Variants in GJA3 observed in about 807,000 individuals in gnomAD.
GJA3 encodes the protein gap junction alpha-3 protein.
For missense variants in GJA3, 571 were observed against 620.3 expected (o/e 0.92, Z 0.84); for synonymous variants, 297 against 292.6 (o/e 1.02, Z -0.15).
chr13:20,142,000 G>T lies in GJA3; in HGVS notation c.1289C>A (p.Pro430Gln), dbSNP rs1378991103. The change falls in exon 2 of 2, where the codon CCG (proline) becomes CAG (glutamine). Residue 430 changes from proline (P) to glutamine (Q), a missense_variant. By Grantham distance (76) the Pro-to-Gln change is moderately conservative. Transcript: ENST00000241125. ...CGGGCACTAGATGGCCAAGTCCTCC[G>T]GTCTGGCCCGCCCGCTGCTGGCCCT... ...ASRASSGRAR[P>Q]EDLAI The T allele has an allele frequency of 6.5e-7, 1 of 1,550,338 alleles. No homozygotes were observed.
intron 1 of GJA3, among the ~76,000 whole-genome samples, chr13:20,158,931 A>AAAAAAAAAAAAAAG (rs1555340275): frequency 6.7e-6 from 1 of 148,838 alleles, no homozygotes; most frequent in African/African-American, 2.5e-5. Context: ...AAAAAAAAAA[A>AAAAAAAAAAAAAAG]AAAAAGAAAA....
At position 20,143,321 on chromosome 13, in the gene GJA3, G is replaced by A; in HGVS notation, c.-17-16C>T. ...GATTCCTAACCTGTAAGAGGAAAAT[G>A]CTCATGAACACCGGGCTGCAACGGC... On this transcript the variant is annotated splice_polypyrimidine_tract_variant and intron_variant, in intron 1 of 1. Transcript: ENST00000241125. The A allele has an allele frequency of 6.7e-7, 1 of 1,491,800 alleles. No individual in the cohort carries two copies. The highest frequency in any genetic ancestry group is 8.9e-7 in the Non-Finnish European group (1 of 1,123,098). The allele number at this position is 1,491,800 out of a possible 1,614,324, so 92.4% of individuals were successfully genotyped here.
intron 1 of GJA3, among the ~76,000 whole-genome samples, chr13:20,151,101 G>A (rs1307821225): frequency 6.6e-6 from 1 of 151,428 alleles, no homozygotes; most frequent in African/African-American, 2.4e-5. Context: ...GAGGAAGGAG[G>A]GTGTTGGAGG....
At chr13:20,158,592 T>A (rs1056041344) in intron 1 of GJA3, among the ~76,000 whole-genome samples, 11 of 151,712 alleles carry the variant, frequency 7.3e-5, no homozygotes, top group Non-Finnish European at 1.3e-4. Context: ...AACCATTACT[T>A]TTGGAGATGT....
rs115489529 is a variant in GJA3, at chr13:20,143,482, G to A, written c.-17-177C>T. Among the ~76,000 whole-genome samples the A allele has an allele frequency of 3.2e-3, 490 of 152,336 alleles. 5 individuals are homozygous for A. Among genetic ancestry groups the A allele is most frequent in the African/African-American group, 0.011 (459 of 41,578 alleles). ...ACGAGCAGGCACTACACAAGTGCAA[G>A]CGTCCATGAGGAACCACAGGTTAAA... On this transcript the variant is annotated intron_variant, in intron 1 of 1. Coordinates refer to ENST00000241125, the MANE Select transcript of GJA3 (RefSeq NM_021954.4).
Position 20,141,756 on chromosome 13 carries a change from C to T in GJA3, c.*225G>A. Reference sequence around the variant, plus strand: ...CCACAACCCTTGTCCCCGCCACCCCCAAACTCAGAAAGTGGGAGTTATCCC... The same window carrying T: ...CCACAACCCTTGTCCCCGCCACCCCTAAACTCAGAAAGTGGGAGTTATCCC... On this transcript the variant is annotated 3_prime_UTR_variant, in exon 2 of 2. Coordinates refer to ENST00000241125, the MANE Select transcript of GJA3 (RefSeq NM_021954.4). The T allele has an allele frequency of 4.7e-6, 3 of 644,022 alleles. No homozygotes were observed. In the South Asian group the frequency reaches 7.3e-5, roughly 16 times the overall value. 39.9% of individuals were successfully genotyped at this position (644,022 alleles called of 1,614,324 possible). A position where few individuals can be genotyped will look rare whatever the true frequency, so the allele number is the denominator to read the frequency against.
chr13:20,160,883 G>A lies in GJA3; in HGVS notation c.-18+7C>T. 6.7e-6 allele frequency: 1 copy of A among 149,960 alleles called. No individual in the cohort carries two copies. Among genetic ancestry groups the A allele is most frequent in the South Asian group, 2.1e-4 (1 of 4,732 alleles). 9.3% of individuals were successfully genotyped at this position (149,960 alleles called of 1,614,324 possible). A position where few individuals can be genotyped will look rare whatever the true frequency, so the allele number is the denominator to read the frequency against. ...GCCTGGCCTCCGGGGCGCCCGGCCC[G>A]CCTTACCCCGCTCTGCCGCGGCGGC... is the stretch of plus-strand genomic sequence containing the variant. On this transcript the variant is annotated splice_region_variant and intron_variant, in intron 1 of 1. Transcript: ENST00000241125.
At chr13:20,155,914 C>A (rs1294754872) in intron 1 of GJA3, among the ~76,000 whole-genome samples, 2 of 151,982 alleles carry the variant, frequency 1.3e-5, no homozygotes, top group African/African-American at 4.8e-5. Flanking sequence ...GGGTTCTATT[C>A]TTGATGTTTC....
At chr13:20,155,453 C>A (rs1370732248) in intron 1 of GJA3, among the ~76,000 whole-genome samples, 15 of 152,010 alleles carry the variant, frequency 9.9e-5, no homozygotes, top group Non-Finnish European at 4.4e-5. Flanking sequence ...TTTACTAAGT[C>A]AAATTTGGTC....
intron 1 of GJA3, among the ~76,000 whole-genome samples, chr13:20,152,109 G>A (rs905292847): frequency 2.6e-5 from 4 of 152,152 alleles, no homozygotes; most frequent in South Asian, 2.1e-4. Context: ...TGCCTGAGAC[G>A]TGTGAGTGTG....
intron 1 of GJA3, among the ~76,000 whole-genome samples, chr13:20,150,099 G>A (rs919725598): frequency 9.2e-5 from 14 of 152,196 alleles, no homozygotes; most frequent in African/African-American, 3.4e-4. Flanking sequence ...GAATAAAAAA[G>A]CTATGAACCA....
intron 1 of GJA3, among the ~76,000 whole-genome samples, chr13:20,155,901 T>C (rs59086905): frequency 0.25 from 37,750 of 151,946 alleles, 6,473 homozygotes; most frequent in African/African-American, 0.49. Flanking sequence ...TGCAGAGATA[T>C]GTGGGTTCTA....
At chr13:20,160,304 A>G (rs185120577) in intron 1 of GJA3, among the ~76,000 whole-genome samples, 1 of 152,242 alleles carries the variant, frequency 6.6e-6, no homozygotes, top group Non-Finnish European at 1.5e-5. Context: ...TAATAGCTAC[A>G]GTGTTTCTTA....
intron 1 of GJA3, among the ~76,000 whole-genome samples, chr13:20,159,215 A>C (rs1354841821): frequency 6.6e-6 from 1 of 151,946 alleles, no homozygotes; most frequent in Non-Finnish European, 1.5e-5. Flanking sequence ...TGAGGACAGC[A>C]AAACAATTAA....
intron 1 of GJA3, among the ~76,000 whole-genome samples, chr13:20,151,429 G>A (rs953039271): frequency 6.6e-6 from 1 of 152,162 alleles, no homozygotes; most frequent in Non-Finnish European, 1.5e-5. Context: ...GCCCCAGGAC[G>A]GCGTAGAACA....
chr13:20,142,699 G>A lies in GJA3; in HGVS notation c.590C>T (p.Pro197Leu). 6.2e-7 allele frequency: 1 copy of A among 1,613,920 alleles called. No individual in the cohort carries two copies. The highest frequency in any genetic ancestry group is 8.5e-7 in the Non-Finnish European group (1 of 1,179,910). Residue 197 changes from proline to leucine, a missense_variant, in exon 2 of 2, where the codon CCC (proline) becomes CTC (leucine). Pro to Leu is a moderately conservative substitution (Grantham distance 98). Transcript: ENST00000241125. ...PNTVDCFISRPTEKTIFIIFM... is the reference protein window; with the variant it reads ...PNTVDCFISRLTEKTIFIIFM... ...GATGATGAAGATGGTCTTCTCCGTG[G>A]GCCTGGAGATGAAGCAGTCCACCGT...
At position 20,143,214 on chromosome 13, in the gene GJA3, C is replaced by T. The variant is rs746766584; in HGVS notation, c.75G>A (p.Trp25Ter). Residue 25 changes from tryptophan (W) to a stop codon, truncating the protein, a stop_gained, in exon 2 of 2, where the codon TGG becomes TGA. Transcript: ENST00000241125. LOFTEE classifies it low-confidence loss of function (END_TRUNC). ...QEHSTVIGKVWLTVLFIFRIL... is the reference protein window; with the variant it reads ...QEHSTVIGKV ...TGCGGAAGATGAACAGCACGGTCAG[C>T]CAAACCTTGCCGATGACCGTGGAGT... The T allele has an allele frequency of 2.5e-6, 4 of 1,574,448 alleles. No individual in the cohort carries two copies. The highest frequency in any genetic ancestry group is 2.6e-6 in the Non-Finnish European group (3 of 1,158,228).
rs958396385 is a variant in GJA3, at chr13:20,141,937, G to A, written c.*44C>T. ...AGTGCACTTTGGTTTTGGTTTCTAAGAAAAAGATCACTACACAGCTGTCTG... is the reference window on the plus strand; with the variant it reads ...AGTGCACTTTGGTTTTGGTTTCTAAAAAAAAGATCACTACACAGCTGTCTG... On this transcript the variant is annotated 3_prime_UTR_variant, in exon 2 of 2. Coordinates refer to ENST00000241125, the MANE Select transcript of GJA3 (RefSeq NM_021954.4). 17 of 1,540,752 alleles carry A rather than the reference G, an allele frequency of 1.1e-5. No individual in the cohort carries two copies. In the African/African-American group the frequency reaches 2.3e-4, roughly 21 times the overall value.
chr13:20,141,890 C>G lies in GJA3; in HGVS notation c.*91G>C. The G allele has an allele frequency of 6.6e-7, 1 of 1,518,662 alleles. No homozygotes were observed. The highest frequency in any genetic ancestry group is 8.9e-7 in the Non-Finnish European group (1 of 1,125,762). The allele number at this position is 1,518,662 out of a possible 1,614,324, so 94.1% of individuals were successfully genotyped here. On this transcript the variant is annotated 3_prime_UTR_variant, in exon 2 of 2. Transcript: ENST00000241125. ...AGTCGCTCCCACCTCCTGGGACTTT[C>G]AGGTTCTATCTGCTGGTGGGAAGTG...
Sources: gnomAD v4.1 joint callset for allele counts (sites outside exome capture counted in the v4.1 genomes callset) on GRCh38, gnomAD v4.1.1 for gene constraint, MANE v1.5 for transcripts, NCBI Gene and HGNC (gene_info 2026-07-23, HGNC 2026-07-21) for gene names.